APP: variants seen among roughly 807,000 people sequenced by gnomAD.
The protein encoded by APP is amyloid-beta precursor protein.
In APP, 31 loss-of-function variants were observed where a neutral mutation model predicts 101.4. The ratio of observed to expected loss-of-function variants is 0.31; its 90% CI spans 0.23 to 0.41. The LOEUF is 0.41. Among genes scored for constraint, APP ranks in the 10% least tolerant of loss-of-function variants. APP has a pLI of 1.00. For synonymous variants in APP, 366 were observed against 364.4 expected (o/e 1.00, Z -0.05); for missense variants, 839 against 1,003.7 (o/e 0.84, Z 2.22).
intron 14 of APP, 81 bp downstream of exon 14, chr21:25,911,660 A>C: frequency 7.8e-7 from 1 of 1,287,632 alleles, no homozygotes; most frequent in Non-Finnish European, 1.1e-6. Context: ...CATACAAAAG[A>C]TAACTCTCTC....
chr21:26,004,262 CTTTGTATTAATTCTTTTTTT>C (rs1434875452), intron 6 of APP, among the ~76,000 whole-genome samples: 2 of 132,272 alleles, frequency 1.5e-5, no homozygotes, highest in African/African-American at 5.7e-5. Flanking sequence ...TGCAGGGTCT[CTTTGTATTAATTCTTTTTTT>C]TTTTTTTTTT....
chr21:26,074,683 G>A (rs1004171017), intron 3 of APP, among the ~76,000 whole-genome samples: 6 of 152,070 alleles, frequency 3.9e-5, no homozygotes, highest in African/African-American at 1.2e-4. Context: ...CCCGGGAGGC[G>A]GAGGTTGCAG....
intron 3 of APP, among the ~76,000 whole-genome samples, chr21:26,055,403 T>A (rs913545567): frequency 6.6e-6 from 1 of 152,116 alleles, no homozygotes; most frequent in Non-Finnish European, 1.5e-5. Context: ...CTCTTTTACA[T>A]AGAATGATAT....
chr21:26,054,311 T>A (rs2045952350), intron 3 of APP, among the ~76,000 whole-genome samples: 1 of 152,200 alleles, frequency 6.6e-6, no homozygotes, highest in Non-Finnish European at 1.5e-5. Flanking sequence ...ATAGACTCTG[T>A]CTTGCTTGCC....
At chr21:25,930,747 C>A (rs998402535) in intron 13 of APP, among the ~76,000 whole-genome samples, 1 of 152,194 alleles carries the variant, frequency 6.6e-6, no homozygotes, top group Admixed American at 6.5e-5. Flanking sequence ...GTGGCCTACT[C>A]GTGTTTTCTT....
At chr21:25,976,198 T>C (rs1234842946) in intron 9 of APP, among the ~76,000 whole-genome samples, 170 bp from the exon 10 acceptor site, 1 of 152,188 alleles carries the variant, frequency 6.6e-6, no homozygotes, top group African/African-American at 2.4e-5. Flanking sequence ...CACTAGGATA[T>C]AAATAATTAA....
intron 3 of APP, among the ~76,000 whole-genome samples, chr21:26,075,959 T>A (rs531506400): frequency 6.6e-6 from 1 of 152,194 alleles, no homozygotes. Context: ...AGTGGCGCGA[T>A]CTCGGCTCAC....
At chr21:25,890,075 T>TATCA (rs2037591326) in intron 17 of APP, among the ~76,000 whole-genome samples, 2 of 152,240 alleles carry the variant, frequency 1.3e-5, no homozygotes, top group South Asian at 4.1e-4. Flanking sequence ...GCTTAGATAC[T>TATCA]ATCACAAAAG....
chr21:26,066,613 T>C (rs1055690455), intron 3 of APP, among the ~76,000 whole-genome samples: 1 of 152,038 alleles, frequency 6.6e-6, no homozygotes, highest in African/African-American at 2.4e-5. Flanking sequence ...CAAGTATCTG[T>C]CTTTTGGTGA....
rs200805485 is a variant in APP at position 25,881,778 on chromosome 21, A to C, written c.2212-7T>G. 13 of 1,612,624 alleles carry C rather than the reference A, an allele frequency of 8.1e-6. No homozygotes were observed. Among genetic ancestry groups the C allele is most frequent in the Non-Finnish European group, 1.0e-5 (12 of 1,179,626 alleles). ...GGGTGACAGCGGCGTCAACCTGAAAAACAAGAGGAGAGCTGAGTAAAAAAT... is the reference window on the plus strand; with the variant it reads ...GGGTGACAGCGGCGTCAACCTGAAACACAAGAGGAGAGCTGAGTAAAAAAT... On this transcript the variant is annotated splice_polypyrimidine_tract_variant and splice_region_variant and intron_variant, in intron 17 of 17. Transcript: ENST00000346798.
chr21:26,037,959 A>G (rs1443686993), intron 5 of APP, among the ~76,000 whole-genome samples: 2 of 152,148 alleles, frequency 1.3e-5, no homozygotes, highest in Non-Finnish European at 2.9e-5. Flanking sequence ...TTCTTCTAAA[A>G]CCATTTCAAA....
At chr21:25,955,538 C>T (rs902305670) in intron 12 of APP, 89 bp downstream of exon 12, 19 of 1,591,078 alleles carry the variant, frequency 1.2e-5, no homozygotes, top group African/African-American at 2.7e-5. Flanking sequence ...TATAGGTGCT[C>T]GGAGAATGCG....
chr21:25,981,369 G>A (rs2042423561), intron 9 of APP, among the ~76,000 whole-genome samples: 1 of 152,194 alleles, frequency 6.6e-6, no homozygotes, highest in Admixed American at 6.5e-5. Context: ...CACTAAAAAT[G>A]AATGGCTTAC....
At chr21:25,979,489 G>C (rs2042343888) in intron 9 of APP, among the ~76,000 whole-genome samples, 1 of 152,090 alleles carries the variant, frequency 6.6e-6, no homozygotes, top group African/African-American at 2.4e-5. Context: ...CTAGATTTCA[G>C]CACCACAGAC....
At chr21:26,121,112 A>G (rs2062558295) in intron 1 of APP, among the ~76,000 whole-genome samples, 1 of 152,188 alleles carries the variant, frequency 6.6e-6, no homozygotes, top group Non-Finnish European at 1.5e-5. Flanking sequence ...AGATCCTACC[A>G]AATTTCACCA....
chr21:26,102,595 A>G (rs749244106), intron 2 of APP, among the ~76,000 whole-genome samples: 1 of 152,096 alleles, frequency 6.6e-6, no homozygotes, highest in Non-Finnish European at 1.5e-5. Flanking sequence ...TTATGCTGTT[A>G]AATGATGAAT....
intron 1 of APP, among the ~76,000 whole-genome samples, chr21:26,142,578 G>A (rs1394979453): frequency 6.6e-6 from 1 of 152,132 alleles, no homozygotes; most frequent in Non-Finnish European, 1.5e-5. Flanking sequence ...AGACCAGTCT[G>A]GGCAACACAG....
At chr21:26,053,586 T>C (rs1217335440) in intron 3 of APP, 3 of 409,702 alleles carry the variant, frequency 7.3e-6, no homozygotes, top group Non-Finnish European at 1.4e-5. Flanking sequence ...AGTGAAATTG[T>C]CCCTTAATTA....
chr21:25,987,848 G>A (rs2042695939), intron 8 of APP, among the ~76,000 whole-genome samples: 2 of 152,132 alleles, frequency 1.3e-5, no homozygotes, highest in South Asian at 4.1e-4. Flanking sequence ...GAGGCACATG[G>A]GAGAAACCAA....
Sources: allele counts gnomAD v4.1 joint callset (sites outside exome capture counted in the v4.1 genomes callset), GRCh38; gene constraint gnomAD v4.1.1; transcripts MANE v1.5; gene names NCBI Gene and HGNC (gene_info 2026-07-23, HGNC 2026-07-21).